The following CUL9 variants were observed in gnomAD, a reference collection of about 807,000 sequenced individuals.
The protein encoded by CUL9 is cullin-9.
CUL9 carries 79 observed loss-of-function variants against 272.6 expected under a neutral mutation model. That is an observed-to-expected ratio of 0.29 (90% CI 0.24 to 0.35). The LOEUF is 0.35. Ranked by LOEUF, CUL9 falls within the 10% of genes least tolerant of loss-of-function variation. The pLI is 1.00. For synonymous variants in CUL9, 1,186 were observed against 1,286.5 expected (o/e 0.92, Z 1.67); for missense variants, 2,532 against 3,255.6 (o/e 0.78, Z 5.41).
chr6:43,211,480 C>A (rs538059773), intron 26 of CUL9, among the ~76,000 whole-genome samples: 1 of 152,238 alleles, frequency 6.6e-6, no homozygotes, highest in Non-Finnish European at 1.5e-5. Context: ...ATTGCTTGAA[C>A]CTGGGAGGTG....
chr6:43,223,135 C>T lies in CUL9; in HGVS notation c.7151-129C>T. ...TGGTTTCTGGTCTTTACCCTGCTCC[C>T]CTAGGGAGCTTCATGAGAATGTCTA... is the stretch of plus-strand genomic sequence containing the variant. On this transcript the variant is annotated intron_variant, in intron 38 of 40. Coordinates refer to ENST00000252050, the MANE Select transcript of CUL9 (RefSeq NM_015089.4). This position sits in a 1 kb window ranked among gnomAD's most constrained non-coding sequence, Gnocchi z 4.1. 1 of 1,331,574 alleles carries T rather than the reference C, an allele frequency of 7.5e-7. No individual in the cohort carries two copies. The highest frequency in any genetic ancestry group is 1.0e-6 in the Non-Finnish European group (1 of 982,860). 82.5% of individuals were successfully genotyped at this position (1,331,574 alleles called of 1,614,324 possible).
chr6:43,216,546 C>T, intron 31 of CUL9, 43 bp downstream of exon 31: 1 of 1,510,842 alleles, frequency 6.6e-7, no homozygotes. Context: ...GCTTTCTGCC[C>T]TACCCTAACA....
At chr6:43,204,056 A>C (rs150783249) in intron 20 of CUL9, 69 bp downstream of exon 20, 7 of 1,519,422 alleles carry the variant, frequency 4.6e-6, no homozygotes, top group Non-Finnish European at 6.2e-6. Context: ...ACCTGAGTTA[A>C]TGCTCTTGGT....
Position 43,187,939 on chromosome 6 carries a change from G to A in CUL9, c.1808G>A (p.Ser603Asn), listed in dbSNP as rs1458973727. 6.2e-7 allele frequency: 1 copy of A among 1,614,106 alleles called. No individual in the cohort carries two copies. Among genetic ancestry groups the A allele is most frequent in the Non-Finnish European group, 8.5e-7 (1 of 1,180,024 alleles). ...GAAGAGGAGTCCAAGTCGGAGGCCAGCTTCTCAGAGGAAGAGACTGAGTCC... is the reference window on the plus strand; with the variant it reads ...GAAGAGGAGTCCAAGTCGGAGGCCAACTTCTCAGAGGAAGAGACTGAGTCC... The part of the protein sequence containing the change: ...DPEEESKSEA[S>N]FSEEETESLK... Residue 603 changes from serine (S) to asparagine (N), a missense_variant, in exon 7 of 41, where the codon AGC (serine) becomes AAC (asparagine). Physicochemically the swap from Ser to Asn is conservative, Grantham distance 46. Coordinates refer to ENST00000252050, the MANE Select transcript of CUL9 (RefSeq NM_015089.4).
chr6:43,216,543 G>T lies in CUL9; in HGVS notation c.6282+40G>T, dbSNP rs373721914. On this transcript the variant is annotated intron_variant, in intron 31 of 40. Coordinates refer to ENST00000252050, the MANE Select transcript of CUL9 (RefSeq NM_015089.4). ...GCATTGCTCCTGCCCCTGGCTTTCT[G>T]CCCTACCCTAACAAAATTCCTTGGG... 2.0e-5 allele frequency: 30 copies of T among 1,518,016 alleles called. No homozygotes were observed. The African/African-American group carries it at 4.0e-4, about 20-fold the overall frequency. The allele number at this position is 1,518,016 out of a possible 1,614,324, so 94.0% of individuals were successfully genotyped here.
In CUL9 at chr6:43,205,420, A is replaced by G. The variant is rs769395102; in HGVS notation, c.4790A>G (p.Tyr1597Cys). 36 of 1,613,738 alleles carry G rather than the reference A, an allele frequency of 2.2e-5. No individual in the cohort carries two copies. The highest frequency in any genetic ancestry group is 2.7e-5 in the Non-Finnish European group (32 of 1,179,758). ...LELATTFEHF[Y>C]QHYMADRLLS... ...CTGGCCACAACTTTTGAGCACTTCT[A>G]TCAGTGAGTGCAGGTCTGGAGGCAT... Residue 1597 changes from tyrosine (Y) to cysteine (C), a missense_variant, in exon 24 of 41, where the codon TAT becomes TGT. By Grantham distance (194) the Tyr-to-Cys change is radical. Transcript: ENST00000252050.
At chr6:43,197,140 G>T (rs932697935) in intron 11 of CUL9, among the ~76,000 whole-genome samples, 1 of 151,952 alleles carries the variant, frequency 6.6e-6, no homozygotes, top group Non-Finnish European at 1.5e-5. Context: ...TCTGCTTCCT[G>T]GGTTCAAGCA....
intron 8 of CUL9, among the ~76,000 whole-genome samples, chr6:43,191,417 C>T (rs1173298753): frequency 6.7e-6 from 1 of 150,024 alleles, no homozygotes; most frequent in Non-Finnish European, 1.5e-5. Context: ...TAGCCTCTAG[C>T]AACCCTTCTT....
rs145261402 is a variant in CUL9 at position 43,216,889 on chromosome 6, A to G, written c.6282+386A>G. Reference sequence around the variant, plus strand: ...GATTCCCATTATCAGCCAAGTTAGAACTAAGAGATATACGTGTAAAATAGA... The same window carrying G: ...GATTCCCATTATCAGCCAAGTTAGAGCTAAGAGATATACGTGTAAAATAGA... On this transcript the variant is annotated intron_variant, in intron 31 of 40. Transcript: ENST00000252050. 2.1e-3 allele frequency among the ~76,000 whole-genome samples: 323 copies of G among 152,346 alleles called. 1 individual carries two copies. Among genetic ancestry groups the G allele is most frequent in the Non-Finnish European group, 3.7e-3 (250 of 68,034 alleles).
chr6:43,215,354 T>C, intron 30 of CUL9, 28 bp downstream of exon 30: 1 of 1,577,870 alleles, frequency 6.3e-7, no homozygotes, highest in Non-Finnish European at 8.6e-7. Context: ...CCCCTTGCAG[T>C]GAGGCGGGAG....
chr6:43,192,059 C>CTTTTTTTTT (rs777284621), intron 8 of CUL9, among the ~76,000 whole-genome samples: 2 of 118,616 alleles, frequency 1.7e-5, no homozygotes, highest in African/African-American at 6.9e-5. Flanking sequence ...CCCCTTTTCT[C>CTTTTTTTTT]TTTTTTTTTT....
chr6:43,203,863 G>C lies in CUL9; in HGVS notation c.4035G>C (p.Arg1345Ser). 6.2e-7 allele frequency: 1 copy of C among 1,611,394 alleles called. No individual in the cohort carries two copies. Among genetic ancestry groups the C allele is most frequent in the Non-Finnish European group, 8.5e-7 (1 of 1,178,302 alleles). Residue 1345 changes from arginine to serine, a missense_variant, in exon 20 of 41, where the codon AGG (arginine) becomes AGC (serine). Physicochemically the swap from Arg to Ser is moderately radical, Grantham distance 110 (BLOSUM62 -1). This residue lies in a region of CUL9 where 2,218 missense variants were observed against 2,788.6 expected (regional missense o/e 0.80). Coordinates refer to ENST00000252050, the MANE Select transcript of CUL9 (RefSeq NM_015089.4). The surrounding 1 kb of genome is among the most constrained non-coding windows in gnomAD (Gnocchi z 5.0). The part of the protein sequence containing the change: ...RLLQLCPRLN[R>S]VLRHEQNFAD... ...CACTGTTTGTTCCCAGACTGAACAG[G>C]GTTTTGCGCCACGAGCAGAATTTTG...
At chr6:43,194,462 G>A (rs1773818395) in intron 9 of CUL9, among the ~76,000 whole-genome samples, 1 of 151,972 alleles carries the variant, frequency 6.6e-6, no homozygotes, top group Admixed American at 6.6e-5. Context: ...GGGATTACAG[G>A]CACGTGCCAC....
At chr6:43,190,327 T>C (rs1226334077) in intron 8 of CUL9, among the ~76,000 whole-genome samples, 7 of 152,132 alleles carry the variant, frequency 4.6e-5, no homozygotes, top group Non-Finnish European at 1.5e-5. Context: ...TATTCTGTTA[T>C]TATCCTTTGC....
intron 31 of CUL9, among the ~76,000 whole-genome samples, chr6:43,219,606 A>T (rs574939015): frequency 1.8e-4 from 28 of 152,164 alleles, no homozygotes; most frequent in Non-Finnish European, 4.0e-4. Flanking sequence ...AGGTGCTTCA[A>T]ATTTATGCTG....
In CUL9 at chr6:43,223,468, C is replaced by G. The variant is rs1227107793; in HGVS notation, c.7284+71C>G. Reference sequence around the variant, plus strand: ...TTGAGGTCCTCCTGTCCCAGCACAGCCCCTGCCCTGGGGCGAGTCCAGAAG... The same window carrying G: ...TTGAGGTCCTCCTGTCCCAGCACAGGCCCTGCCCTGGGGCGAGTCCAGAAG... On this transcript the variant is annotated intron_variant, in intron 39 of 40. Coordinates refer to ENST00000252050, the MANE Select transcript of CUL9 (RefSeq NM_015089.4). This position sits in a 1 kb window ranked among gnomAD's most constrained non-coding sequence, Gnocchi z 4.1. 6.2e-5 allele frequency: 94 copies of G among 1,507,614 alleles called. No homozygotes were observed. Among genetic ancestry groups the G allele is most frequent in the Middle Eastern group, 2.2e-4 (1 of 4,502 alleles). 93.4% of individuals were successfully genotyped at this position (1,507,614 alleles called of 1,614,324 possible). A position where few individuals can be genotyped will look rare whatever the true frequency, so the allele number is the denominator to read the frequency against.
chr6:43,185,192 A>G (rs1428661538), intron 2 of CUL9, among the ~76,000 whole-genome samples: 2 of 152,152 alleles, frequency 1.3e-5, no homozygotes, highest in African/African-American at 2.4e-5. Flanking sequence ...TTTGAAATCA[A>G]TTTGGTGGGT....
chr6:43,198,709 G>C lies in CUL9; in HGVS notation c.2904G>C (p.Glu968Asp). Residue 968 changes from glutamate (E) to aspartate (D), a missense_variant, in exon 12 of 41, where the codon GAG (glutamate) becomes GAC (aspartate). Around this residue, in one of 3 missense-constraint regions of CUL9, gnomAD observed 2,218 missense variants for 2,788.6 expected, o/e 0.80. Transcript: ENST00000252050. ...CTGCAGAACTACTCCTGGACTTGGA[G>C]CGTGTGCTGTGCCGTGAGGGCAGCC... ...GPSAELLLDL[E>D]RVLCREGSPG... The C allele has an allele frequency of 6.2e-7, 1 of 1,614,198 alleles. No individual in the cohort carries two copies. Among genetic ancestry groups the C allele is most frequent in the East Asian group, 2.2e-5 (1 of 44,886 alleles).
Position 43,223,668 on chromosome 6 carries a change from T to A in CUL9, c.7284+271T>A. ...TTGGTCAGGTGCCTATCAGAATCACTTGGGGAACTTTTCCAGACTGTACTT... is the reference window on the plus strand; with the variant it reads ...TTGGTCAGGTGCCTATCAGAATCACATGGGGAACTTTTCCAGACTGTACTT... On this transcript the variant is annotated intron_variant, in intron 39 of 40. Coordinates refer to ENST00000252050, the MANE Select transcript of CUL9 (RefSeq NM_015089.4). This position sits in a 1 kb window ranked among gnomAD's most constrained non-coding sequence, Gnocchi z 4.1. 1 of 542,802 alleles carries A rather than the reference T, an allele frequency of 1.8e-6. No individual in the cohort carries two copies. The highest frequency in any genetic ancestry group is 3.3e-6 in the Non-Finnish European group (1 of 304,188). The allele number at this position is 542,802 out of a possible 1,614,324, so 33.6% of individuals were successfully genotyped here. A position where few individuals can be genotyped will look rare whatever the true frequency, so the allele number is the denominator to read the frequency against.
Sources: gnomAD v4.1 joint callset for allele counts (sites outside exome capture counted in the v4.1 genomes callset) on GRCh38, gnomAD v4.1.1 for gene constraint, gnomAD v4.1.1 regional missense constraint, Gnocchi (gnomAD v3.1) non-coding constraint, MANE v1.5 for transcripts, NCBI Gene and HGNC (gene_info 2026-07-23, HGNC 2026-07-21) for gene names.